Variants in GNPDA2 observed in about 807,000 individuals in gnomAD.
GNPDA2 encodes glucosamine-6-phosphate deaminase 2, also known as glcN6P deaminase 2.
In GNPDA2, 24 loss-of-function variants were observed where a neutral mutation model predicts 27.0. The ratio of observed to expected loss-of-function variants is 0.89; its 90% CI spans 0.64 to 1.25. The LOEUF (loss-of-function observed/expected upper bound fraction) is 1.25. Ranked by LOEUF, GNPDA2 falls within the 50% of genes most tolerant of loss-of-function variation. The probability of loss-of-function intolerance (pLI) is 0.00; values close to 1 mark genes in which losing one functional copy is unlikely to be tolerated. For missense variants in GNPDA2, 286 were observed against 335.1 expected (o/e 0.85, Z 1.14); for synonymous variants, 94 against 108.4 (o/e 0.87, Z 0.83).
intron 1 of GNPDA2, among the ~76,000 whole-genome samples, chr4:44,723,509 T>C (rs980832852): frequency 6.6e-6 from 1 of 152,136 alleles, no homozygotes; most frequent in Non-Finnish European, 1.5e-5. Flanking sequence ...TTTCTTTCTA[T>C]TTGGGAGTTG....
At chr4:44,714,716 C>T (rs910481748) in intron 4 of GNPDA2, 8 of 954,482 alleles carry the variant, frequency 8.4e-6, no homozygotes, top group Non-Finnish European at 1.0e-5. Flanking sequence ...TCTAAAAATC[C>T]AATGATGATA....
intron 6 of GNPDA2, chr4:44,703,572 C>T: frequency 1.0e-6 from 1 of 985,660 alleles, no homozygotes; most frequent in Non-Finnish European, 1.2e-6. Context: ...ATTACCCTAT[C>T]CATTCGTCTG....
intron 2 of GNPDA2, among the ~76,000 whole-genome samples, chr4:44,721,246 A>C (rs1352743200): frequency 6.6e-6 from 1 of 152,190 alleles, no homozygotes; most frequent in Admixed American, 6.5e-5. Flanking sequence ...CAGTCTGTTT[A>C]AATAAAACAC....
At chr4:44,713,060 C>T (rs74892600) in intron 4 of GNPDA2, among the ~76,000 whole-genome samples, 402 of 152,250 alleles carry the variant, frequency 2.6e-3, no homozygotes, top group African/African-American at 9.1e-3. Flanking sequence ...ACACATAGGA[C>T]GCACTTATTA....
chr4:44,704,243 G>C (rs1716448038), intron 6 of GNPDA2: 47 of 984,524 alleles, frequency 4.8e-5, no homozygotes, highest in Non-Finnish European at 5.7e-5. Flanking sequence ...CAGCCTACTT[G>C]AAGGTCACCT....
chr4:44,719,910 C>CT (rs1210327351), intron 2 of GNPDA2, among the ~76,000 whole-genome samples: 1 of 152,068 alleles, frequency 6.6e-6, no homozygotes, highest in East Asian at 1.9e-4. Flanking sequence ...AAGACATTTT[C>CT]TTTAAGAACT....
chr4:44,723,825 G>A (rs539295235), intron 1 of GNPDA2, among the ~76,000 whole-genome samples: 1 of 152,232 alleles, frequency 6.6e-6, no homozygotes, highest in Admixed American at 6.5e-5. Flanking sequence ...GCCCAAGCAA[G>A]CGGCTCAAGG....
Position 44,711,145 on chromosome 4 carries a change from A to G in GNPDA2, c.410-8T>C. The G allele has an allele frequency of 6.4e-7, 1 of 1,561,074 alleles. No individual in the cohort carries two copies. The highest frequency in any genetic ancestry group is 8.6e-7 in the Non-Finnish European group (1 of 1,156,180). ...GACCATCTGGACCAATTCCTTTCAA[A>G]AGAAATATACATACATATACACATG... On this transcript the variant is annotated splice_polypyrimidine_tract_variant and splice_region_variant and intron_variant, in intron 4 of 6. Coordinates refer to ENST00000295448, the MANE Select transcript of GNPDA2 (RefSeq NM_138335.3).
Position 44,702,533 on chromosome 4 carries a change from TC to T in GNPDA2, c.*547del. 2.0e-6 allele frequency: 2 copies of T among 986,340 alleles called. No individual in the cohort carries two copies. The highest frequency in any genetic ancestry group is 1.1e-4 in the East Asian group (1 of 8,812). 61.1% of individuals were successfully genotyped at this position (986,340 alleles called of 1,614,324 possible). A position where few individuals can be genotyped will look rare whatever the true frequency, so the allele number is the denominator to read the frequency against. On this transcript the variant is annotated 3_prime_UTR_variant, in exon 7 of 7. Coordinates refer to ENST00000295448, the MANE Select transcript of GNPDA2 (RefSeq NM_138335.3). ...AACTGTACTTTTAGGCACTGTCATC[TC>T]TTCAAATTTCCTTTACCAATGATAT... is the stretch of plus-strand genomic sequence containing the variant.
intron 1 of GNPDA2, among the ~76,000 whole-genome samples, chr4:44,723,517 T>C (rs1034099556): frequency 6.6e-6 from 1 of 152,052 alleles, no homozygotes; most frequent in Admixed American, 6.6e-5. Flanking sequence ...TATTTGGGAG[T>C]TGTTTCACTT....
chr4:44,712,577 AG>A (rs1351766136), intron 4 of GNPDA2, among the ~76,000 whole-genome samples: 2 of 152,136 alleles, frequency 1.3e-5, no homozygotes, highest in African/African-American at 2.4e-5. Flanking sequence ...GATTTGTAAA[AG>A]TGTTCTGTTT....
chr4:44,714,020 G>A (rs984482996), intron 4 of GNPDA2, among the ~76,000 whole-genome samples: 1 of 152,008 alleles, frequency 6.6e-6, no homozygotes, highest in African/African-American at 2.4e-5. Context: ...TGCCCAGGCT[G>A]GAGTGCAATG....
chr4:44,725,271 A>G (rs1362555033), intron 1 of GNPDA2, among the ~76,000 whole-genome samples: 1 of 152,238 alleles, frequency 6.6e-6, no homozygotes, highest in Non-Finnish European at 1.5e-5. Flanking sequence ...TGCAACTACG[A>G]GAAGTTTATT....
intron 5 of GNPDA2, among the ~76,000 whole-genome samples, chr4:44,709,994 ATTGT>A (rs756312787): frequency 6.4e-4 from 97 of 152,236 alleles, no homozygotes; most frequent in African/African-American, 2.1e-3. Flanking sequence ...TATTTGAGTA[ATTGT>A]TTGTTCTAAA....
intron 6 of GNPDA2, chr4:44,707,439 A>G: frequency 2.7e-6 from 1 of 367,486 alleles, no homozygotes; most frequent in Non-Finnish European, 4.8e-6. Flanking sequence ...AGAATGGACA[A>G]AGATACATTT....
intron 2 of GNPDA2, among the ~76,000 whole-genome samples, chr4:44,719,888 A>G (rs1717562041): frequency 1.3e-5 from 2 of 152,136 alleles, no homozygotes. Flanking sequence ...TGATTTATAT[A>G]AAACAAAGAT....
At chr4:44,715,496 G>A (rs1341277156) in intron 4 of GNPDA2, among the ~76,000 whole-genome samples, 4 of 152,018 alleles carry the variant, frequency 2.6e-5, no homozygotes, top group Admixed American at 1.3e-4. Context: ...TTTGATATAA[G>A]CAGTTGAAGT....
At chr4:44,719,584 T>C (rs2109718000) in intron 2 of GNPDA2, among the ~76,000 whole-genome samples, 1 of 152,154 alleles carries the variant, frequency 6.6e-6, no homozygotes, top group East Asian at 1.9e-4. Flanking sequence ...CCCACTAACA[T>C]GAAACCTGTC....
chr4:44,702,963 G>GA lies in GNPDA2; in HGVS notation c.*117dup, dbSNP rs1716364845. 4.6e-6 allele frequency: 7 copies of GA among 1,537,274 alleles called. No homozygotes were observed. Among genetic ancestry groups the GA allele is most frequent in the African/African-American group, 1.4e-5 (1 of 71,466 alleles). ...GAATGTTTAACATAGAGACTCGAAT[G>GA]AAAAAATGACAATCTTCAAAATTCC... is the stretch of plus-strand genomic sequence containing the variant. On this transcript the variant is annotated 3_prime_UTR_variant, in exon 7 of 7. Transcript: ENST00000295448.
Sources: gnomAD v4.1 joint callset for allele counts (sites outside exome capture counted in the v4.1 genomes callset) on GRCh38, gnomAD v4.1.1 for gene constraint, MANE v1.5 for transcripts, NCBI Gene and HGNC (gene_info 2026-07-23, HGNC 2026-07-21) for gene names.